The following STEAP3 variants were observed in gnomAD, a reference collection of about 807,000 sequenced individuals.
STEAP3 encodes the protein metalloreductase STEAP3.
STEAP3 carries 35 observed loss-of-function variants against 34.9 expected under a neutral mutation model. That is an observed-to-expected ratio of 1.00 (90% CI 0.76 to 1.33). The LOEUF is 1.33. Among genes scored for constraint, STEAP3 ranks in the 40% most tolerant of loss-of-function variants. The probability of loss-of-function intolerance (pLI) is 0.00; values close to 1 mark genes in which losing one functional copy is unlikely to be tolerated. For synonymous variants in STEAP3, 281 were observed against 301.6 expected (o/e 0.93, Z 0.71); for missense variants, 652 against 667.6 (o/e 0.98, Z 0.26).
intron 5 of STEAP3, 95 bp downstream of exon 5, chr2:119,254,943 G>A (rs926180091): frequency 1.4e-6 from 2 of 1,453,326 alleles, no homozygotes; most frequent in Non-Finnish European, 9.3e-7. Context: ...CCTGGGCTCT[G>A]ATCATCTGCA....
chr2:119,238,535 C>G (rs1402765325), intron 2 of STEAP3, among the ~76,000 whole-genome samples: 1 of 152,138 alleles, frequency 6.6e-6, no homozygotes, highest in African/African-American at 2.4e-5. Flanking sequence ...GAAACAGGTC[C>G]CCTTATCAGT....
rs748187004 is a variant in STEAP3 at position 119,247,805 on chromosome 2, C to T, written c.649C>T (p.Arg217Cys). 3.6e-5 allele frequency: 58 copies of T among 1,611,466 alleles called. No individual in the cohort carries two copies. The highest frequency in any genetic ancestry group is 1.8e-4 in the Admixed American group (11 of 60,002). Reference sequence around the variant, plus strand: ...CTGGGAGGTGGAGGCCATGCCCCTGCGCCTCCTCCCGGCCTGGAAGGTGCC... The same window carrying T: ...CTGGGAGGTGGAGGCCATGCCCCTGTGCCTCCTCCCGGCCTGGAAGGTGCC... ...SAWEVEAMPL[R>C]LLPAWKVPTL... The change falls in exon 4 of 6, where the codon CGC (arginine) becomes TGC (cysteine). Residue 217 changes from arginine (R) to cysteine (C), a missense_variant. Coordinates refer to ENST00000393110, the MANE Select transcript of STEAP3 (RefSeq NM_182915.3).
At chr2:119,224,999 C>T (rs977821963) in intron 1 of STEAP3, among the ~76,000 whole-genome samples, 2 of 152,190 alleles carry the variant, frequency 1.3e-5, no homozygotes, top group Non-Finnish European at 2.9e-5. Context: ...CCCAGAGGAA[C>T]CTACCACTGG....
Position 119,230,646 on chromosome 2 carries a change from TG to T in STEAP3, c.-364del, listed in dbSNP as rs773948448. The stretch of plus-strand genomic sequence containing the variant: ...TGACATTTATTCATTTTATGCATCC[TG>T]GGTTCTACTGGTCGTCCCACCTCAG... On this transcript the variant is annotated 5_prime_UTR_variant, in exon 2 of 6. An upstream open reading frame in the 5' UTR loses its in-frame stop. Coordinates refer to ENST00000393110, the MANE Select transcript of STEAP3 (RefSeq NM_182915.3). The T allele has an allele frequency of 7.0e-4, 249 of 356,686 alleles. 1 individual carries two copies. The highest frequency in any genetic ancestry group is 1.2e-3 in the Non-Finnish European group (220 of 188,288). The allele number at this position is 356,686 out of a possible 1,614,324, so 22.1% of individuals were successfully genotyped here.
intron 1 of STEAP3, among the ~76,000 whole-genome samples, chr2:119,228,791 G>A (rs2104787667): frequency 6.6e-6 from 1 of 152,250 alleles, no homozygotes; most frequent in Non-Finnish European, 1.5e-5. Context: ...TGGCTTGTGG[G>A]GGGTGCTGAG....
intron 3 of STEAP3, 70 bp from the exon 4 acceptor site, chr2:119,247,609 C>A: frequency 6.9e-7 from 1 of 1,457,750 alleles, no homozygotes; most frequent in Non-Finnish European, 9.0e-7. Flanking sequence ...GTTTCCTCAG[C>A]TGCTCAGTGA....
intron 1 of STEAP3, among the ~76,000 whole-genome samples, chr2:119,227,673 A>G (rs1359145213): frequency 8.5e-5 from 13 of 152,150 alleles, no homozygotes; most frequent in Non-Finnish European, 1.9e-4. Flanking sequence ...TTCGGTACAT[A>G]TAAAGAGATT....
intron 1 of STEAP3, among the ~76,000 whole-genome samples, chr2:119,226,077 C>A (rs541944757): frequency 2.6e-5 from 4 of 152,354 alleles, no homozygotes; most frequent in Admixed American, 6.5e-5. Flanking sequence ...TGCTCTGTGG[C>A]AGAGCTGGCC....
At chr2:119,229,592 G>A (rs531116260) in intron 1 of STEAP3, among the ~76,000 whole-genome samples, 5 of 152,342 alleles carry the variant, frequency 3.3e-5, no homozygotes, top group African/African-American at 4.8e-5. Context: ...TGGCTGGACC[G>A]GAATTCACAC....
chr2:119,261,646 C>A (rs1677945623), intron 5 of STEAP3, among the ~76,000 whole-genome samples: 1 of 152,200 alleles, frequency 6.6e-6, no homozygotes. Context: ...TACTTATCTC[C>A]CACTGAAGTT....
intron 2 of STEAP3, among the ~76,000 whole-genome samples, chr2:119,236,547 G>A (rs907415108): frequency 6.6e-5 from 10 of 152,170 alleles, no homozygotes; most frequent in African/African-American, 2.4e-4. Flanking sequence ...GCCTGGCTAG[G>A]GAAGCTCTCA....
intron 4 of STEAP3, among the ~76,000 whole-genome samples, chr2:119,251,623 C>T (rs1677628858): frequency 6.6e-6 from 1 of 152,180 alleles, no homozygotes; most frequent in Non-Finnish European, 1.5e-5. Flanking sequence ...TCTCATCTGA[C>T]CATGTCACTG....
chr2:119,229,165 T>A (rs1483085154), intron 1 of STEAP3, among the ~76,000 whole-genome samples: 1 of 152,210 alleles, frequency 6.6e-6, no homozygotes, highest in African/African-American at 2.4e-5. Flanking sequence ...TGACACCTGC[T>A]GGCTCAACAG....
chr2:119,260,317 T>C (rs905578687), intron 5 of STEAP3, among the ~76,000 whole-genome samples: 2 of 123,874 alleles, frequency 1.6e-5, no homozygotes, highest in Non-Finnish European at 3.9e-5. Context: ...TTTTTTTTTT[T>C]TTCTTTTTTT....
intron 4 of STEAP3, among the ~76,000 whole-genome samples, chr2:119,253,097 A>T (rs1356042515): frequency 6.6e-6 from 1 of 152,180 alleles, no homozygotes; most frequent in East Asian, 1.9e-4. Flanking sequence ...ACGCCTTTCC[A>T]GCTAATGGTG....
intron 2 of STEAP3, chr2:119,244,537 C>T (rs763778915): frequency 4.6e-5 from 7 of 151,994 alleles, no homozygotes; most frequent in African/African-American, 1.5e-4. Context: ...CTGCACCTGG[C>T]TAGCATGGTT....
At chr2:119,238,131 T>C (rs1677143303) in intron 2 of STEAP3, among the ~76,000 whole-genome samples, 1 of 152,248 alleles carries the variant, frequency 6.6e-6, no homozygotes, top group East Asian at 1.9e-4. Context: ...AATGTTTTTG[T>C]GTGGATATAC....
chr2:119,263,082 T>C lies in STEAP3; in HGVS notation c.1241T>C (p.Val414Ala). The change falls in exon 6 of 6, where the codon GTG becomes GCG. Residue 414 changes from valine (V) to alanine (A), a missense_variant. Coordinates refer to ENST00000393110, the MANE Select transcript of STEAP3 (RefSeq NM_182915.3). Reference sequence around the variant, plus strand: ...TCCTCACTGGGCTTTGTGGCCCTCGTGCTGAGCACACTGCACACGCTCACC... The same window carrying C: ...TCCTCACTGGGCTTTGTGGCCCTCGCGCTGAGCACACTGCACACGCTCACC... ...VQSSLGFVAL[V>A]LSTLHTLTYG... 2 of 1,608,754 alleles carry C rather than the reference T, an allele frequency of 1.2e-6. No individual in the cohort carries two copies.
At chr2:119,255,256 C>T (rs897869726) in intron 5 of STEAP3, among the ~76,000 whole-genome samples, 5 of 152,056 alleles carry the variant, frequency 3.3e-5, no homozygotes, top group African/African-American at 1.2e-4. Context: ...AGTGAGCGAG[C>T]CTAGCCCACC....
Sources: allele counts gnomAD v4.1 joint callset (sites outside exome capture counted in the v4.1 genomes callset), GRCh38; gene constraint gnomAD v4.1.1; transcripts MANE v1.5; gene names NCBI Gene and HGNC (gene_info 2026-07-23, HGNC 2026-07-21).